The following CACNA2D3 variants were observed in gnomAD, a reference collection of about 807,000 sequenced individuals.
The protein encoded by CACNA2D3 is voltage-dependent calcium channel subunit alpha-2/delta-3.
A neutral mutation model predicts 160.6 loss-of-function variants in CACNA2D3; 60 were observed. That is an observed-to-expected ratio of 0.37 (90% CI 0.30 to 0.46). The LOEUF is 0.46. CACNA2D3 is among the 20% of genes least tolerant of loss of function. CACNA2D3 has a pLI of 1.00. For synonymous variants in CACNA2D3, 558 were observed against 492.9 expected (o/e 1.13, Z -1.75); for missense variants, 1,205 against 1,365.0 (o/e 0.88, Z 1.85).
At chr3:54,742,225 C>T (rs1055626909) in intron 11 of CACNA2D3, among the ~76,000 whole-genome samples, 3 of 152,078 alleles carry the variant, frequency 2.0e-5, no homozygotes, top group African/African-American at 7.2e-5. Flanking sequence ...TCAAGACCAG[C>T]CTGGCCAACA....
intron 27 of CACNA2D3, chr3:54,918,963 A>G: frequency 7.6e-6 from 10 of 1,307,410 alleles, no homozygotes; most frequent in Non-Finnish European, 1.0e-5. Context: ...CTCTGCCTGC[A>G]AAAACTTAGG....
intron 4 of CACNA2D3, among the ~76,000 whole-genome samples, chr3:54,489,473 A>C (rs1701072509): frequency 6.6e-6 from 1 of 152,240 alleles, no homozygotes; most frequent in African/African-American, 2.4e-5. Context: ...ACAAAAGGGT[A>C]GTTTTATACA....
intron 24 of CACNA2D3, among the ~76,000 whole-genome samples, chr3:54,890,477 C>T (rs1700033111): frequency 8.3e-6 from 1 of 120,774 alleles, no homozygotes; most frequent in African/African-American, 3.3e-5. Flanking sequence ...GCCTGGGTGA[C>T]AGAGCCAGAC....
chr3:54,261,886 C>T (rs1196333321), intron 2 of CACNA2D3, among the ~76,000 whole-genome samples: 1 of 152,090 alleles, frequency 6.6e-6, no homozygotes, highest in Non-Finnish European at 1.5e-5. Context: ...AATGCGTGGT[C>T]CCCATACTTC....
intron 31 of CACNA2D3, among the ~76,000 whole-genome samples, chr3:54,989,175 G>T (rs981342018): frequency 6.6e-6 from 1 of 152,182 alleles, no homozygotes; most frequent in Non-Finnish European, 1.5e-5. Flanking sequence ...AAAAGATGAG[G>T]AATAATCGCA....
intron 13 of CACNA2D3, among the ~76,000 whole-genome samples, chr3:54,809,493 T>C (rs1254667115): frequency 1.4e-5 from 2 of 144,394 alleles, no homozygotes; most frequent in Non-Finnish European, 3.0e-5. Flanking sequence ...TAATTTTTTG[T>C]ATTTTTAGTA....
At chr3:54,495,673 C>CAGG (rs1232599323) in intron 4 of CACNA2D3, among the ~76,000 whole-genome samples, 3 of 152,096 alleles carry the variant, frequency 2.0e-5, no homozygotes, top group Non-Finnish European at 4.4e-5. Context: ...CACTTGAACC[C>CAGG]AGGAGGCAGA....
At chr3:54,578,408 A>G (rs1362832411) in intron 8 of CACNA2D3, among the ~76,000 whole-genome samples, 2 of 152,242 alleles carry the variant, frequency 1.3e-5, no homozygotes, top group Admixed American at 1.3e-4. Context: ...ATACACAAAA[A>G]TGCAGAAGCT....
intron 27 of CACNA2D3, among the ~76,000 whole-genome samples, chr3:54,954,427 CA>C (rs1398223447): frequency 2.6e-5 from 4 of 152,224 alleles, no homozygotes; most frequent in African/African-American, 7.2e-5. Context: ...CTGTGTGGAG[CA>C]GAATACTCCT....
intron 2 of CACNA2D3, among the ~76,000 whole-genome samples, chr3:54,232,651 GT>G (rs1411767357): frequency 6.6e-6 from 1 of 152,130 alleles, no homozygotes; most frequent in Non-Finnish European, 1.5e-5. Context: ...TTTCTTACCA[GT>G]TTAGGTTTTT....
chr3:54,627,786 G>A lies in CACNA2D3; in HGVS notation c.964-1G>A. On this transcript the variant is annotated splice_acceptor_variant, in intron 9 of 37. Transcript: ENST00000474759. LOFTEE classifies it high-confidence loss of function. ...ATGGATTTTCTGCTTTGCTGTTTCA[G>A]CACTTCAGGGAGCATCTGGACAAAC... 6.2e-7 allele frequency: 1 copy of A among 1,605,056 alleles called. No homozygotes were observed. Among genetic ancestry groups the A allele is most frequent in the South Asian group, 1.1e-5 (1 of 88,976 alleles).
chr3:54,734,961 G>A (rs751794645), intron 11 of CACNA2D3, among the ~76,000 whole-genome samples: 11 of 152,338 alleles, frequency 7.2e-5, no homozygotes, highest in Non-Finnish European at 1.5e-4. Flanking sequence ...CTGGCCTCAG[G>A]CCTAGGGATG....
rs750735633 is a variant in CACNA2D3, at chr3:54,123,608, G to A, written c.204+14G>A. ...CTTCTGCAAAAGGTAAGGTTTCTGTGGTGGCAGGAAGCGATGATTTTTCCG... is the reference window on the plus strand; with the variant it reads ...CTTCTGCAAAAGGTAAGGTTTCTGTAGTGGCAGGAAGCGATGATTTTTCCG... On this transcript the variant is annotated intron_variant, in intron 2 of 37. Coordinates refer to ENST00000474759, the MANE Select transcript of CACNA2D3 (RefSeq NM_018398.3). The A allele has an allele frequency of 7.5e-6, 12 of 1,608,044 alleles. No homozygotes were observed. In the South Asian group the frequency reaches 1.3e-4, roughly 18 times the overall value.
intron 9 of CACNA2D3, among the ~76,000 whole-genome samples, chr3:54,603,106 T>TCA (rs369174432): frequency 1.3e-5 from 2 of 152,340 alleles, no homozygotes; most frequent in Admixed American, 6.5e-5. Flanking sequence ...AGGGCAAGCT[T>TCA]CAATCAGCTA....
chr3:54,123,741 C>T, intron 2 of CACNA2D3, 147 bp downstream of exon 2: 1 of 685,348 alleles, frequency 1.5e-6, no homozygotes, highest in South Asian at 1.7e-5. Context: ...TTGTACTATG[C>T]AGTGACTTCT....
At chr3:54,674,036 G>A (rs1700200671) in intron 11 of CACNA2D3, among the ~76,000 whole-genome samples, 1 of 152,226 alleles carries the variant, frequency 6.6e-6, no homozygotes, top group Admixed American at 6.5e-5. Flanking sequence ...CCAGGTTTCT[G>A]TTGATTTCTC....
At position 54,627,378 on chromosome 3, in the gene CACNA2D3, G is replaced by A. The variant is rs2293029; in HGVS notation, c.964-409G>A. On this transcript the variant is annotated intron_variant, in intron 9 of 37. Coordinates refer to ENST00000474759, the MANE Select transcript of CACNA2D3 (RefSeq NM_018398.3). ...TGAGATGTGAAAAGTGGGTGGGAGA[G>A]GGCGTGGCAGGAGAGCCAGGGAATG... Among the ~76,000 whole-genome samples, 90 of 152,262 alleles carry A rather than the reference G, an allele frequency of 5.9e-4. 2 individuals carry two copies. In the East Asian group the frequency reaches 0.017, roughly 28 times the overall value.
chr3:54,448,389 C>T (rs1275690278), intron 4 of CACNA2D3, among the ~76,000 whole-genome samples: 1 of 152,132 alleles, frequency 6.6e-6, no homozygotes, highest in African/African-American at 2.4e-5. Context: ...TGTTTTAGAC[C>T]CTGTTTGATC....
At chr3:54,485,046 C>T (rs548903915) in intron 4 of CACNA2D3, among the ~76,000 whole-genome samples, 7 of 152,150 alleles carry the variant, frequency 4.6e-5, no homozygotes, top group East Asian at 3.9e-4. Flanking sequence ...GGGGTTTCAT[C>T]GTGTTGGCCA....
Sources: gnomAD v4.1 joint callset for allele counts (sites outside exome capture counted in the v4.1 genomes callset) on GRCh38, gnomAD v4.1.1 for gene constraint, MANE v1.5 for transcripts, NCBI Gene and HGNC (gene_info 2026-07-23, HGNC 2026-07-21) for gene names.